STAU2: variants seen among roughly 807,000 people sequenced by gnomAD.
The protein encoded by STAU2 is double-stranded RNA-binding protein Staufen homolog 2.
A neutral mutation model predicts 65.9 loss-of-function variants in STAU2; 20 were observed. The observed-to-expected ratio is 0.30, with a 90% CI of 0.21 to 0.44. STAU2 has a LOEUF of 0.44. Among genes scored for constraint, STAU2 ranks in the 20% least tolerant of loss-of-function variants. The pLI is 1.00. For missense variants in STAU2, 558 were observed against 683.9 expected (o/e 0.82, Z 2.05); for synonymous variants, 232 against 233.9 (o/e 0.99, Z 0.07).
In STAU2 at chr8:73,738,327, T is replaced by C; in HGVS notation, c.-61A>G. On this transcript the variant is annotated 5_prime_UTR_variant, in exon 3 of 15. Coordinates refer to ENST00000524300, the MANE Select transcript of STAU2 (RefSeq NM_001164380.2). Reference sequence around the variant, plus strand: ...GTTAAGACAATATTGACCAAACTGCTGTATCCCTCACGGCTCCAAAAACTG... The same window carrying C: ...GTTAAGACAATATTGACCAAACTGCCGTATCCCTCACGGCTCCAAAAACTG... 1 of 1,599,210 alleles carries C rather than the reference T, an allele frequency of 6.3e-7. No homozygotes were observed. The highest frequency in any genetic ancestry group is 1.1e-5 in the South Asian group (1 of 87,670).
Position 73,709,104 on chromosome 8 carries a change from A to T in STAU2, c.42T>A (p.Asn14Lys), listed in dbSNP as rs1820714356. ...GGACTCTATTGAAACGGGCTAACTC[A>T]TTTACCAGACACATTGCAGTTTTCT... is the stretch of plus-strand genomic sequence containing the variant. ...PKEKTAMCLV[N>K]ELARFNRVQP... The change falls in exon 4 of 15, where the codon AAT becomes AAA. Residue 14 changes from asparagine (N) to lysine (K), a missense_variant. Asn to Lys is a moderately conservative substitution (Grantham distance 94). This residue lies in a region of STAU2 where 112 missense variants were observed against 114.2 expected (regional missense o/e 0.98). Transcript: ENST00000524300. 2 of 1,533,466 alleles carry T rather than the reference A, an allele frequency of 1.3e-6. No individual in the cohort carries two copies. The highest frequency in any genetic ancestry group is 2.4e-5 in the South Asian group (2 of 83,400). The allele number at this position is 1,533,466 out of a possible 1,614,324, so 95.0% of individuals were successfully genotyped here.
At chr8:73,690,825 G>A (rs1375094034) in intron 4 of STAU2, among the ~76,000 whole-genome samples, 1 of 152,098 alleles carries the variant, frequency 6.6e-6, no homozygotes, top group East Asian at 1.9e-4. Context: ...CCTGTTTAAA[G>A]TGATTAAATT....
chr8:73,603,714 G>A lies in STAU2; in HGVS notation c.1029+12C>T. On this transcript the variant is annotated intron_variant, in intron 10 of 14. Transcript: ENST00000524300. The stretch of plus-strand genomic sequence containing the variant: ...CTAAATCTTTTCAATAGTTTTAAAA[G>A]GTTAGAAATACCTGCATCACAAATT... The A allele has an allele frequency of 6.2e-7, 1 of 1,608,548 alleles. No individual in the cohort carries two copies. Among genetic ancestry groups the A allele is most frequent in the East Asian group, 2.2e-5 (1 of 44,846 alleles).
At chr8:73,741,311 A>AAAAAAAAAAAAAC (rs1806858422) in intron 1 of STAU2, among the ~76,000 whole-genome samples, 1 of 151,280 alleles carries the variant, frequency 6.6e-6, no homozygotes, top group Non-Finnish European at 1.5e-5. Context: ...TCTCAAAAAA[A>AAAAAAAAAAAAAC]AAAAAATTAA....
chr8:73,447,769 G>A (rs1214305021), intron 13 of STAU2, among the ~76,000 whole-genome samples: 3 of 152,172 alleles, frequency 2.0e-5, no homozygotes, highest in Non-Finnish European at 2.9e-5. Context: ...CCAGGCTTAT[G>A]GAAAGTTAGC....
rs144746331 is a variant in STAU2, at chr8:73,690,393, T to C, written c.115-1580A>G. On this transcript the variant is annotated intron_variant, in intron 4 of 14. Transcript: ENST00000524300. ...AAGACATGATAAATACCATGCATGA[T>C]CCTTCATTATATCTAAAATGGGAAG... 6.4e-4 allele frequency among the ~76,000 whole-genome samples: 95 copies of C among 148,368 alleles called. 1 individual carries two copies. Among genetic ancestry groups the C allele is most frequent in the African/African-American group, 2.1e-3 (83 of 40,008 alleles).
At chr8:73,558,832 C>T (rs1807978807) in intron 12 of STAU2, among the ~76,000 whole-genome samples, 1 of 151,910 alleles carries the variant, frequency 6.6e-6, no homozygotes, top group Admixed American at 6.6e-5. Flanking sequence ...AACTTTGTTT[C>T]CATTGCCAGC....
chr8:73,575,125 AAGT>A (rs1056287934), intron 12 of STAU2, among the ~76,000 whole-genome samples: 1 of 11,406 alleles, frequency 8.8e-5, no homozygotes, highest in Non-Finnish European at 2.2e-4. Context: ...CAGTCCTACC[AAGT>A]AAAAAAAAAA....
intron 13 of STAU2, chr8:73,527,490 A>G (rs1805521508): frequency 2.4e-6 from 1 of 421,042 alleles, no homozygotes; most frequent in African/African-American, 2.0e-5. Flanking sequence ...ACTGCAAACA[A>G]GAAGTCTAAA....
chr8:73,668,351 A>G (rs7841206), intron 6 of STAU2, among the ~76,000 whole-genome samples: 1,638 of 152,310 alleles, frequency 0.011, 27 homozygotes, highest in African/African-American at 0.037. Flanking sequence ...TCCCAGTTAC[A>G]TAGCTCAAAA....
rs543477487 is a variant in STAU2, at chr8:73,483,601, T to G, written c.1531-60899A>C. ...TTTCAGTAATTGAACATAAAAACATTTGGAACAAGAAGGACTGTATAAATG... is the reference window on the plus strand; with the variant it reads ...TTTCAGTAATTGAACATAAAAACATGTGGAACAAGAAGGACTGTATAAATG... On this transcript the variant is annotated intron_variant, in intron 13 of 14. Coordinates refer to ENST00000524300, the MANE Select transcript of STAU2 (RefSeq NM_001164380.2). Among the ~76,000 whole-genome samples the G allele has an allele frequency of 2.3e-3, 345 of 152,208 alleles. 2 individuals are homozygous for G. Among genetic ancestry groups the G allele is most frequent in the African/African-American group, 7.9e-3 (327 of 41,542 alleles).
chr8:73,741,859 C>CA (rs1358057719), intron 1 of STAU2, among the ~76,000 whole-genome samples: 7 of 152,032 alleles, frequency 4.6e-5, no homozygotes, highest in Non-Finnish European at 1.0e-4. Flanking sequence ...CATGAAGTAA[C>CA]AAAAAATAAA....
In STAU2 at chr8:73,435,649, C is replaced by A. The variant is rs149809169; in HGVS notation, c.1531-12947G>T. 7.2e-4 allele frequency among the ~76,000 whole-genome samples: 110 copies of A among 152,068 alleles called. 8 individuals are homozygous for A. The highest frequency in any genetic ancestry group is 2.6e-3 in the African/African-American group (109 of 41,314). On this transcript the variant is annotated intron_variant, in intron 13 of 14. Transcript: ENST00000524300. ...CTTGTCCGAGAGAAATGTTCCTGCC[C>A]CATAATTTACCTCCAAGGAATATGG...
rs1274006187 is a variant in STAU2, at chr8:73,567,079, T to G, written c.1223-14760A>C. 3.9e-5 allele frequency among the ~76,000 whole-genome samples: 6 copies of G among 152,212 alleles called. No individual in the cohort carries two copies. The East Asian group carries it at 1.2e-3, about 29-fold the overall frequency. ...GATCACACCTAAATTCCTAGAATTC[T>G]AATTGTTATATGTTATAAACTACTC... On this transcript the variant is annotated intron_variant, in intron 12 of 14. Transcript: ENST00000524300.
intron 13 of STAU2, among the ~76,000 whole-genome samples, chr8:73,431,728 G>C (rs11997537): frequency 1.2e-3 from 176 of 152,240 alleles, no homozygotes; most frequent in African/African-American, 4.0e-3. Context: ...ATGCCTATTT[G>C]TTGGCCTTGG....
At chr8:73,509,243 C>T (rs1413682643) in intron 13 of STAU2, among the ~76,000 whole-genome samples, 3 of 152,090 alleles carry the variant, frequency 2.0e-5, no homozygotes, top group Non-Finnish European at 4.4e-5. Flanking sequence ...TCCCTGATGG[C>T]TAATGACATT....
At chr8:73,747,278 G>C (rs1807356468), upstream of STAU2, 4 of 1,324,856 alleles carry the variant, frequency 3.0e-6, no homozygotes, top group Non-Finnish European at 4.1e-6. Flanking sequence ...GCCAAGGGTG[G>C]GCCTGGGGCA....
At chr8:73,651,410 C>A in intron 6 of STAU2, 1 of 665,176 alleles carries the variant, frequency 1.5e-6, no homozygotes, top group Non-Finnish European at 2.8e-6. Context: ...GTCGGAGGTC[C>A]AGATAAAAAC....
chr8:73,651,650 C>T, intron 6 of STAU2: 1 of 547,544 alleles, frequency 1.8e-6, no homozygotes, highest in Non-Finnish European at 3.3e-6. Context: ...GAGGCCCTGG[C>T]CTCTGAGTGG....
Sources: allele counts gnomAD v4.1 joint callset (sites outside exome capture counted in the v4.1 genomes callset), GRCh38; gene constraint gnomAD v4.1.1; regional missense constraint gnomAD v4.1.1; transcripts MANE v1.5; gene names NCBI Gene and HGNC (gene_info 2026-07-23, HGNC 2026-07-21).